The following RASGRF2 variants were observed in gnomAD, a reference collection of about 807,000 sequenced individuals.
RASGRF2 encodes ras-specific guanine nucleotide-releasing factor 2.
In RASGRF2, 76 loss-of-function variants were observed where a neutral mutation model predicts 151.0. The ratio of observed to expected loss-of-function variants is 0.50; its 90% CI spans 0.42 to 0.61. The LOEUF is 0.61. Among genes scored for constraint, RASGRF2 ranks in the 20% least tolerant of loss-of-function variants. The pLI is 0.00. For missense variants in RASGRF2, 1,148 were observed against 1,564.6 expected (o/e 0.73, Z 4.49); for synonymous variants, 504 against 566.5 (o/e 0.89, Z 1.57).
At chr5:81,061,997 CAAA>C (rs34991044) in intron 2 of RASGRF2, among the ~76,000 whole-genome samples, 96 of 43,994 alleles carry the variant, frequency 2.2e-3, no homozygotes, top group African/African-American at 9.4e-3. Context: ...TCCCAGCTGA[CAAA>C]AAAAAAAAAA....
chr5:81,102,973 C>T (rs1272576198), intron 12 of RASGRF2, among the ~76,000 whole-genome samples: 3 of 151,878 alleles, frequency 2.0e-5, no homozygotes, highest in Admixed American at 1.3e-4. Context: ...GTAGAATTAG[C>T]GCTACAAGAA....
At chr5:81,164,972 G>A (rs761436572) in intron 17 of RASGRF2, among the ~76,000 whole-genome samples, 11 of 152,208 alleles carry the variant, frequency 7.2e-5, no homozygotes, top group Non-Finnish European at 1.2e-4. Flanking sequence ...GATAGAAATC[G>A]ACTTGTTAAC....
chr5:81,048,520 C>T lies in RASGRF2; in HGVS notation c.395+5537C>T, dbSNP rs745605143. On this transcript the variant is annotated intron_variant, in intron 2 of 26. Coordinates refer to ENST00000265080, the MANE Select transcript of RASGRF2 (RefSeq NM_006909.3). Reference sequence around the variant, plus strand: ...TATTTTAATACTTTGTTAATACTTTCGTCAGCTGTCTTTCCAACTTCTCAG... The same window carrying T: ...TATTTTAATACTTTGTTAATACTTTTGTCAGCTGTCTTTCCAACTTCTCAG... Among the ~76,000 whole-genome samples, 4 of 152,188 alleles carry T rather than the reference C, an allele frequency of 2.6e-5. No homozygotes were observed. In the South Asian group the frequency reaches 6.2e-4, roughly 24 times the overall value.
At chr5:81,216,625 T>G (rs935476929) in intron 24 of RASGRF2, among the ~76,000 whole-genome samples, 10 of 152,250 alleles carry the variant, frequency 6.6e-5, no homozygotes, top group African/African-American at 1.2e-4. Flanking sequence ...ATGTGTCTTA[T>G]GTAAGCCTCA....
chr5:81,118,735 C>A (rs545899602), intron 15 of RASGRF2, among the ~76,000 whole-genome samples: 1 of 152,290 alleles, frequency 6.6e-6, no homozygotes, highest in African/African-American at 2.4e-5. Context: ...TAAACCATTT[C>A]TTTCCTCTTG....
At chr5:81,034,490 A>G (rs955051948) in intron 1 of RASGRF2, among the ~76,000 whole-genome samples, 5 of 152,092 alleles carry the variant, frequency 3.3e-5, no homozygotes, top group Admixed American at 6.6e-5. Flanking sequence ...CTATAAAGAC[A>G]CATGCACACG....
chr5:80,984,118 T>G (rs1748400532), intron 1 of RASGRF2, among the ~76,000 whole-genome samples: 1 of 152,218 alleles, frequency 6.6e-6, no homozygotes, highest in South Asian at 2.1e-4. Context: ...TGGAGTGTAG[T>G]GGCGTGACCT....
At chr5:81,161,963 C>T (rs1249247025) in intron 17 of RASGRF2, among the ~76,000 whole-genome samples, 1 of 150,258 alleles carries the variant, frequency 6.7e-6, no homozygotes, top group African/African-American at 2.5e-5. Context: ...AATTGGTTCT[C>T]ATTTAAAGGG....
intron 1 of RASGRF2, among the ~76,000 whole-genome samples, chr5:81,032,397 A>G (rs1256039615): frequency 6.6e-6 from 1 of 152,248 alleles, no homozygotes; most frequent in Non-Finnish European, 1.5e-5. Context: ...AAAATCCTCA[A>G]TAAAATACTG....
intron 1 of RASGRF2, among the ~76,000 whole-genome samples, chr5:80,994,160 T>C (rs1011738329): frequency 1.3e-5 from 2 of 151,776 alleles, no homozygotes; most frequent in African/African-American, 4.8e-5. Context: ...GGTCAGGAGA[T>C]CGAGACCATC....
chr5:81,033,940 A>G (rs1750368464), intron 1 of RASGRF2, among the ~76,000 whole-genome samples: 1 of 152,238 alleles, frequency 6.6e-6, no homozygotes, highest in African/African-American at 2.4e-5. Flanking sequence ...AGGAACTTAA[A>G]CAAATTCACA....
intron 1 of RASGRF2, among the ~76,000 whole-genome samples, chr5:80,989,449 C>T (rs558483513): frequency 3.9e-5 from 6 of 152,252 alleles, no homozygotes; most frequent in South Asian, 4.1e-4. Flanking sequence ...TGATTTTGCT[C>T]ATTTCTGTTT....
At chr5:81,130,977 A>G (rs1372573020) in intron 17 of RASGRF2, among the ~76,000 whole-genome samples, 4 of 152,098 alleles carry the variant, frequency 2.6e-5, no homozygotes, top group African/African-American at 9.7e-5. Flanking sequence ...TCTTGCTTTA[A>G]TACTCTCCCA....
At chr5:81,213,165 T>C (rs1220508198) in intron 23 of RASGRF2, among the ~76,000 whole-genome samples, 1 of 152,214 alleles carries the variant, frequency 6.6e-6, no homozygotes, top group Non-Finnish European at 1.5e-5. Context: ...AGGGCATCTC[T>C]GGGCTTTTGG....
chr5:81,175,523 G>C (rs950213366), intron 17 of RASGRF2, among the ~76,000 whole-genome samples: 1 of 152,146 alleles, frequency 6.6e-6, no homozygotes. Context: ...GGAGGCTGAG[G>C]TGGGCAGATC....
At chr5:81,010,281 G>T (rs893978055) in intron 1 of RASGRF2, among the ~76,000 whole-genome samples, 2 of 151,962 alleles carry the variant, frequency 1.3e-5, no homozygotes, top group African/African-American at 2.4e-5. Context: ...TGTATTTTCC[G>T]TATTTATATA....
chr5:81,068,326 C>T lies in RASGRF2; in HGVS notation c.543+147C>T, dbSNP rs1463967306. The T allele has an allele frequency of 3.8e-6, 3 of 795,128 alleles. No homozygotes were observed. The African/African-American group carries it at 5.3e-5, about 14-fold the overall frequency. 49.3% of individuals were successfully genotyped at this position (795,128 alleles called of 1,614,324 possible). ...CATACGTGGCTGGGCCTGACCTAGA[C>T]ATGAATCTAATGTCTATATTAGGAT... is the stretch of plus-strand genomic sequence containing the variant. On this transcript the variant is annotated intron_variant, in intron 3 of 26. Coordinates refer to ENST00000265080, the MANE Select transcript of RASGRF2 (RefSeq NM_006909.3).
intron 1 of RASGRF2, among the ~76,000 whole-genome samples, chr5:80,989,338 A>G (rs1748577068): frequency 6.6e-6 from 1 of 152,200 alleles, no homozygotes. Flanking sequence ...AAATCAGATT[A>G]AGTTACTCTA....
At chr5:81,055,941 G>A (rs1580260574) in intron 2 of RASGRF2, among the ~76,000 whole-genome samples, 2 of 152,126 alleles carry the variant, frequency 1.3e-5, no homozygotes, top group East Asian at 3.9e-4. Flanking sequence ...GTATTCTCTG[G>A]TGGTAGTTTG....
Sources: gnomAD v4.1 joint callset for allele counts (sites outside exome capture counted in the v4.1 genomes callset) on GRCh38, gnomAD v4.1.1 for gene constraint, MANE v1.5 for transcripts, NCBI Gene and HGNC (gene_info 2026-07-23, HGNC 2026-07-21) for gene names.